Variants in HMCN2 observed in about 807,000 individuals in gnomAD.
The protein encoded by HMCN2 is hemicentin-2.
In HMCN2, 325 loss-of-function variants were observed where a neutral mutation model predicts 377.5. The observed-to-expected ratio is 0.86, with a 90% CI of 0.79 to 0.94. HMCN2 has a LOEUF of 0.94. Ranked by LOEUF, HMCN2 falls within the 40% of genes least tolerant of loss-of-function variation. HMCN2 has a pLI of 0.00. For missense variants in HMCN2, 4,543 were observed against 4,725.3 expected, an observed-to-expected ratio of 0.96 and a Z score of 1.13; for synonymous variants, 2,007 against 2,046.8, an observed-to-expected ratio of 0.98 and a Z score of 0.53.
chr9:130,286,902 C>T (rs910188454), intron 4 of HMCN2, among the ~76,000 whole-genome samples: 3 of 152,160 alleles, frequency 2.0e-5, no homozygotes, highest in South Asian at 2.1e-4. Flanking sequence ...TTCCTCCTCT[C>T]GGGGCTCCAT....
intron 15 of HMCN2, among the ~76,000 whole-genome samples, chr9:130,310,811 C>T (rs1247574756): frequency 7.2e-5 from 11 of 152,118 alleles, no homozygotes; most frequent in Admixed American, 7.2e-4. Flanking sequence ...ACCTATATGC[C>T]TTGGTCATGC....
intron 23 of HMCN2, chr9:130,338,729 A>G (rs1479170104): frequency 6.6e-6 from 1 of 152,234 alleles, no homozygotes; most frequent in African/African-American, 2.4e-5. Flanking sequence ...GAACCCTGAG[A>G]GGCATCCAAG....
chr9:130,374,813 G>A, intron 49 of HMCN2, 120 bp downstream of exon 49: 1 of 348,136 alleles, frequency 2.9e-6, no homozygotes. Context: ...AATTCTCCGA[G>A]TTTGACAACA....
At position 130,362,066 on chromosome 9, in the gene HMCN2, T is replaced by C. The variant is rs936588880; in HGVS notation, c.6009T>C (p.Pro2003=). The change falls in exon 39 of 98, where the codon CCT becomes CCC. Residue 2003 remains proline (P), a synonymous_variant. Coordinates refer to ENST00000683500, the MANE Select transcript of HMCN2 (RefSeq NM_001291815.2). ...CAGGCCCTGTGTTGGTCAACACCCC[T>C]GTCCGGCTGACCTGCAATGCCACCG... ...SLPGPVLVNT[P]VRLTCNATGA... 1 of 986,036 alleles carries C rather than the reference T, an allele frequency of 1.0e-6. No homozygotes were observed. 61.1% of individuals were successfully genotyped at this position (986,036 alleles called of 1,614,324 possible).
intron 86 of HMCN2, among the ~76,000 whole-genome samples, chr9:130,421,544 G>A (rs1301185199): frequency 1.3e-5 from 2 of 152,142 alleles, no homozygotes; most frequent in East Asian, 3.9e-4. Context: ...TGCCTGCCGT[G>A]CCTGGGTTCC....
At position 130,325,075 on chromosome 9, in the gene HMCN2, TTTC is replaced by T. The variant is rs1288314739; in HGVS notation, c.2921-499_2921-497del. On this transcript the variant is annotated intron_variant, in intron 19 of 97. Transcript: ENST00000683500. ...GGCAACCACTGATCTAGTTTTGTCT[TTTC>T]TTCTTCTTCTTCTTCTTCTTTTTTT... is the stretch of plus-strand genomic sequence containing the variant. Among the ~76,000 whole-genome samples, 90 of 133,404 alleles carry T rather than the reference TTTC, an allele frequency of 6.7e-4. 7 individuals carry two copies. The Middle Eastern group carries it at 0.012, about 17-fold the overall frequency. 87.5% of individuals were successfully genotyped at this position (133,404 alleles called of 152,430 possible). A position where few individuals can be genotyped will look rare whatever the true frequency, so the allele number is the denominator to read the frequency against.
At chr9:130,330,279 C>G (rs920384452) in intron 22 of HMCN2, among the ~76,000 whole-genome samples, 5,261 of 152,240 alleles carry the variant, frequency 0.035, 113 homozygotes, top group Middle Eastern at 0.061. Flanking sequence ...CCACGGCAGC[C>G]CCTTCTCCTG....
At chr9:130,281,729 A>G (rs1258377592) in intron 1 of HMCN2, among the ~76,000 whole-genome samples, 3 of 152,092 alleles carry the variant, frequency 2.0e-5, no homozygotes, top group African/African-American at 7.2e-5. Context: ...CCCCGTCTCT[A>G]CTAAAAATAC....
intron 48 of HMCN2, among the ~76,000 whole-genome samples, chr9:130,373,916 A>ATGGATG (rs770264956): frequency 1.3e-5 from 2 of 149,214 alleles, no homozygotes; most frequent in African/African-American, 2.5e-5. Flanking sequence ...GGATGGATGG[A>ATGGATG]GAAATTTGTG....
chr9:130,385,526 T>A, intron 59 of HMCN2, 34 bp from the exon 60 acceptor site: 1 of 1,278,784 alleles, frequency 7.8e-7, no homozygotes, highest in South Asian at 1.2e-5. Context: ...CAGGGACAGC[T>A]GCAGCACCTC....
intron 1 of HMCN2, among the ~76,000 whole-genome samples, chr9:130,277,308 G>A (rs1442347222): frequency 6.6e-6 from 1 of 152,218 alleles, no homozygotes; most frequent in Non-Finnish European, 1.5e-5. Flanking sequence ...CTGCTCGGAG[G>A]GACTGCACGC....
chr9:130,310,769 G>A (rs891418557), intron 15 of HMCN2, among the ~76,000 whole-genome samples: 4 of 152,232 alleles, frequency 2.6e-5, no homozygotes, highest in Admixed American at 6.5e-5. Context: ...GGTTCAGCTC[G>A]GGATGAGAAT....
chr9:130,275,666 TC>T (rs1251385823), intron 1 of HMCN2, among the ~76,000 whole-genome samples: 2 of 152,178 alleles, frequency 1.3e-5, no homozygotes, highest in African/African-American at 4.8e-5. Flanking sequence ...GCCAGACTGG[TC>T]ACGAACTCCT....
chr9:130,412,113 A>G (rs1843454763), intron 85 of HMCN2, among the ~76,000 whole-genome samples: 1 of 152,158 alleles, frequency 6.6e-6, no homozygotes, highest in Non-Finnish European at 1.5e-5. Context: ...CTGGGATTAT[A>G]GGCGCACGCC....
intron 25 of HMCN2, among the ~76,000 whole-genome samples, chr9:130,343,405 G>A (rs1839169332): frequency 6.6e-6 from 1 of 152,170 alleles, no homozygotes; most frequent in Non-Finnish European, 1.5e-5. Flanking sequence ...CCCAGAAAAG[G>A]ACTCAGGGAG....
intron 37 of HMCN2, among the ~76,000 whole-genome samples, chr9:130,359,944 G>A (rs1359641893): frequency 6.6e-6 from 1 of 152,148 alleles, no homozygotes; most frequent in Non-Finnish European, 1.5e-5. Context: ...GTCCCGGCAG[G>A]ATGCAGGGAA....
At position 130,430,558 on chromosome 9, in the gene HMCN2, G is replaced by A. The variant is rs909343233; in HGVS notation, c.14601G>A (p.Arg4867=). Residue 4867 remains arginine (R), a synonymous_variant, in exon 95 of 98, where the codon CGG becomes CGA. Coordinates refer to ENST00000683500, the MANE Select transcript of HMCN2 (RefSeq NM_001291815.2). ...CCATGGCCCTGAGCAGTGTGGGCCG[G>A]GCCTGGTGCCCTCCTGGTTTCATCA... The part of the protein sequence containing the change: ...PGPMALSSVG[R]AWCPPGFIRQ... 6.5e-7 allele frequency: 1 copy of A among 1,550,362 alleles called. No individual in the cohort carries two copies. The highest frequency in any genetic ancestry group is 1.4e-5 in the African/African-American group (1 of 73,068).
chr9:130,384,224 C>A, intron 57 of HMCN2, 149 bp from the exon 58 acceptor site: 1 of 560,032 alleles, frequency 1.8e-6, no homozygotes, highest in Non-Finnish European at 2.7e-6. Flanking sequence ...GTAAGAGAGT[C>A]ATGGCAAATG....
intron 1 of HMCN2, among the ~76,000 whole-genome samples, chr9:130,279,360 TTGTTTTTTTTGAGA>T (rs1407676539): frequency 1.3e-5 from 2 of 152,068 alleles, no homozygotes; most frequent in African/African-American, 4.8e-5. Flanking sequence ...CATTGTTGTT[TTGTTTTTTTTGAGA>T]TGGAGTCTCG....
Sources: gnomAD v4.1 joint callset for allele counts (sites outside exome capture counted in the v4.1 genomes callset) on GRCh38, gnomAD v4.1.1 for gene constraint, MANE v1.5 for transcripts, NCBI Gene and HGNC (gene_info 2026-07-23, HGNC 2026-07-21) for gene names.